Variants in RPS6KB2 observed in about 807,000 individuals in gnomAD.
RPS6KB2 encodes the protein ribosomal protein S6 kinase beta-2.
RPS6KB2 carries 51 observed loss-of-function variants against 58.2 expected under a neutral mutation model. The observed-to-expected ratio is 0.88, with a 90% CI of 0.70 to 1.11. RPS6KB2 has a LOEUF of 1.11. RPS6KB2 is among the 50% of genes least tolerant of loss of function. RPS6KB2 has a pLI of 0.00. For missense variants in RPS6KB2, 671 were observed against 655.8 expected, an observed-to-expected ratio of 1.02 and a Z score of -0.25; for synonymous variants, 293 against 258.6, an observed-to-expected ratio of 1.13 and a Z score of -1.28.
intron 5 of RPS6KB2, 104 bp from the exon 6 acceptor site, chr11:67,432,496 G>T: frequency 1.7e-6 from 2 of 1,211,848 alleles, no homozygotes; most frequent in Non-Finnish European, 2.4e-6. Context: ...GAGGCAGGTA[G>T]GGCGGGAATT....
intron 4 of RPS6KB2, chr11:67,429,810 CTA>C (rs1303187153): frequency 7.6e-6 from 4 of 523,312 alleles, no homozygotes; most frequent in African/African-American, 3.9e-5. Flanking sequence ...TGTCTGGACA[CTA>C]TTTTATTTTA....
At chr11:67,429,405 C>A in intron 3 of RPS6KB2, 122 bp from the exon 4 acceptor site, 2 of 1,359,090 alleles carry the variant, frequency 1.5e-6, no homozygotes, top group Non-Finnish European at 2.0e-6. Flanking sequence ...GACTTGAAAT[C>A]TTCACTGCCC....
rs757368921 is a variant in RPS6KB2, at chr11:67,434,460, C to T, written c.1131C>T (p.Ser377=). ...ACAGTCCTGATGACACAGCCCTCAGCGAGAGTGCCAACCAGGCCTTCCTGG... is the reference window on the plus strand; with the variant it reads ...ACAGTCCTGATGACACAGCCCTCAGTGAGAGTGCCAACCAGGCCTTCCTGG... The part of the protein sequence containing the change: ...PVDSPDDTAL[S]ESANQAFLGF... The change falls in exon 13 of 15, where the codon AGC becomes AGT. Residue 377 remains serine, a synonymous_variant. Coordinates refer to ENST00000312629, the MANE Select transcript of RPS6KB2 (RefSeq NM_003952.3). The T allele has an allele frequency of 3.0e-5, 48 of 1,612,432 alleles. No individual in the cohort carries two copies. The highest frequency in any genetic ancestry group is 1.1e-4 in the African/African-American group (8 of 74,926).
chr11:67,432,866 G>A, intron 7 of RPS6KB2, 29 bp downstream of exon 7: 2 of 1,608,280 alleles, frequency 1.2e-6, no homozygotes, highest in African/African-American at 2.7e-5. Flanking sequence ...GCAGCTGCAG[G>A]CGGGGTCTGC....
chr11:67,430,640 G>T (rs1242820401), intron 4 of RPS6KB2: 2 of 152,064 alleles, frequency 1.3e-5, no homozygotes, highest in African/African-American at 4.8e-5. Flanking sequence ...CACCATGTTG[G>T]TCAGGCTGGT....
rs996329859 is a variant in RPS6KB2 at position 67,434,120 on chromosome 11, G to C, written c.969+63G>C. On this transcript the variant is annotated intron_variant, in intron 11 of 14. Transcript: ENST00000312629. ...TCCAAGGGTGCCGGGAATGGGGGCA[G>C]GGCCCCAGGGCAGAGGGAGTGACCG... 8 of 1,608,862 alleles carry C rather than the reference G, an allele frequency of 5.0e-6. No individual in the cohort carries two copies. In the East Asian group the frequency reaches 1.6e-4, roughly 31 times the overall value.
intron 9 of RPS6KB2, 62 bp downstream of exon 9, chr11:67,433,278 G>A: frequency 1.2e-6 from 2 of 1,604,960 alleles, no homozygotes; most frequent in Non-Finnish European, 1.7e-6. Context: ...CCCCCCTCCT[G>A]GGGCAAGGGC....
Position 67,435,110 on chromosome 11 carries a change from A to G in RPS6KB2, c.1390A>G (p.Ile464Val). 1 of 1,606,698 alleles carries G rather than the reference A, an allele frequency of 6.2e-7. No individual in the cohort carries two copies. The highest frequency in any genetic ancestry group is 8.5e-7 in the Non-Finnish European group (1 of 1,178,688). Residue 464 changes from isoleucine (I) to valine (V), a missense_variant, in exon 15 of 15, where the codon ATC becomes GTC. Physicochemically the swap from Ile to Val is conservative, Grantham distance 29. Transcript: ENST00000312629. ...PPPSTTAPLP[I>V]RPPSGTKKSK... ...GCCCTCGACCACCGCCCCTCTCCCC[A>G]TCCGTCCCCCCTCAGGGACCAAGAA...
intron 14 of RPS6KB2, 90 bp downstream of exon 14, chr11:67,434,784 TC>T (rs1405671780): frequency 7.1e-6 from 8 of 1,131,308 alleles, no homozygotes. Flanking sequence ...GCCACGTCTG[TC>T]GGCCAGTGTT....
Position 67,428,702 on chromosome 11 carries a change from C to T in RPS6KB2, c.78+79C>T, listed in dbSNP as rs1472227925. 5.1e-6 allele frequency: 7 copies of T among 1,374,272 alleles called. No individual in the cohort carries two copies. In the African/African-American group the frequency reaches 5.8e-5, roughly 11 times the overall value. The allele number at this position is 1,374,272 out of a possible 1,614,324, so 85.1% of individuals were successfully genotyped here. ...CCGAGGCCGGAGCGGCGGCTCCGCA[C>T]GCCCAGAGCGGGCTCCGACTCTTTG... On this transcript the variant is annotated intron_variant, in intron 1 of 14. Coordinates refer to ENST00000312629, the MANE Select transcript of RPS6KB2 (RefSeq NM_003952.3).
At chr11:67,433,496 G>A (rs368269730) in intron 10 of RPS6KB2, 49 bp downstream of exon 10, 377 of 1,388,274 alleles carry the variant, frequency 2.7e-4, no homozygotes, top group Non-Finnish European at 3.7e-4. Flanking sequence ...CATTCTGCAC[G>A]TGTTCCTGAG....
At chr11:67,430,733 A>G (rs373513178) in intron 4 of RPS6KB2, 14 of 152,100 alleles carry the variant, frequency 9.2e-5, no homozygotes, top group African/African-American at 2.9e-4. Context: ...TGCGCCTGGC[A>G]TGGACACATT....
In RPS6KB2 at chr11:67,432,996, C is replaced by T; in HGVS notation, c.661C>T (p.His221Tyr). 6.2e-7 allele frequency: 1 copy of T among 1,613,454 alleles called. No homozygotes were observed. The highest frequency in any genetic ancestry group is 8.5e-7 in the Non-Finnish European group (1 of 1,180,032). The change falls in exon 8 of 15, where the codon CAT becomes TAT. Residue 221 changes from histidine (H) to tyrosine (Y), a missense_variant. His to Tyr is a moderately conservative substitution (Grantham distance 83). Transcript: ENST00000312629. Reference protein sequence around the residue: ...TDFGLCKESIHEGAVTHTFCG... With the variant: ...TDFGLCKESIYEGAVTHTFCG... ...CTTTGGACTCTGCAAGGAGTCTATC[C>T]ATGAGGGCGCCGTCACTCACACCTT...
Position 67,432,819 on chromosome 11 carries a change from A to C in RPS6KB2, c.598A>C (p.Ile200Leu). Residue 200 changes from isoleucine (I) to leucine (L), a missense_variant, in exon 7 of 15, where the codon ATC becomes CTC. By Grantham distance (5) the Ile-to-Leu change is conservative. Transcript: ENST00000312629. Reference sequence around the variant, plus strand: ...CTACCGGGACCTCAAGCCCGAGAACATCATGCTCAGCAGCCAGGGTGCGCA... The same window carrying C: ...CTACCGGGACCTCAAGCCCGAGAACCTCATGCTCAGCAGCCAGGGTGCGCA... ...IIYRDLKPEN[I>L]MLSSQGHIKL... is the part of the protein sequence containing the mutation. The C allele has an allele frequency of 6.2e-7, 1 of 1,613,922 alleles. No homozygotes were observed. The highest frequency in any genetic ancestry group is 8.5e-7 in the Non-Finnish European group (1 of 1,179,964).
At position 67,435,213 on chromosome 11, in the gene RPS6KB2, C is replaced by T. The variant is rs373808292; in HGVS notation, c.*44C>T. ...GGGTAGCCCTTGAGCCCTGTCCCTGCGGCTGTGAGAGCAGCAGGACCCTGG... is the reference window on the plus strand; with the variant it reads ...GGGTAGCCCTTGAGCCCTGTCCCTGTGGCTGTGAGAGCAGCAGGACCCTGG... On this transcript the variant is annotated 3_prime_UTR_variant, in exon 15 of 15. Coordinates refer to ENST00000312629, the MANE Select transcript of RPS6KB2 (RefSeq NM_003952.3). 1.6e-4 allele frequency: 232 copies of T among 1,470,194 alleles called. No homozygotes were observed. The African/African-American group carries it at 1.8e-3, about 12-fold the overall frequency. 91.1% of individuals were successfully genotyped at this position (1,470,194 alleles called of 1,614,324 possible). A position where few individuals can be genotyped will look rare whatever the true frequency, so the allele number is the denominator to read the frequency against.
In RPS6KB2 at chr11:67,433,452, A is replaced by G. The variant is rs756967453; in HGVS notation, c.906+5A>G. The G allele has an allele frequency of 6.3e-7, 1 of 1,598,578 alleles. No homozygotes were observed. Among genetic ancestry groups the G allele is most frequent in the Non-Finnish European group, 8.6e-7 (1 of 1,165,854 alleles). On this transcript the variant is annotated splice_donor_5th_base_variant and intron_variant, in intron 10 of 14. Transcript: ENST00000312629. ...GCCCGGGACCTTGTCAAAAAGGTGC[A>G]GCTCCCTTCTCTCTTCTCCGGGGCC...
rs371345807 is a variant in RPS6KB2 at position 67,435,039 on chromosome 11, C to G, written c.1319C>G (p.Pro440Arg). 3.7e-5 allele frequency: 60 copies of G among 1,613,008 alleles called. No homozygotes were observed. The highest frequency in any genetic ancestry group is 3.3e-4 in the Middle Eastern group (2 of 6,084). Residue 440 changes from proline to arginine, a missense_variant, in exon 15 of 15, where the codon CCG (proline) becomes CGG (arginine). Coordinates refer to ENST00000312629, the MANE Select transcript of RPS6KB2 (RefSeq NM_003952.3). Reference protein sequence around the residue: ...FEGFRPSPSLPEPTELPLPPL... With the variant: ...FEGFRPSPSLREPTELPLPPL... Reference sequence around the variant, plus strand: ...GGGTTTCGGCCCAGCCCCAGCCTGCCGGAGCCCACGGAGCTACCTCTACCT... The same window carrying G: ...GGGTTTCGGCCCAGCCCCAGCCTGCGGGAGCCCACGGAGCTACCTCTACCT...
In RPS6KB2 at chr11:67,433,330, C is replaced by T. The variant is rs1471852813; in HGVS notation, c.799-10C>T. The T allele has an allele frequency of 2.5e-6, 4 of 1,612,536 alleles. No homozygotes were observed. The highest frequency in any genetic ancestry group is 1.7e-5 in the Admixed American group (1 of 60,004). On this transcript the variant is annotated splice_polypyrimidine_tract_variant and intron_variant, in intron 9 of 14. Transcript: ENST00000312629. ...CCCACAAGGCTCCTCTCACCTTCCT[C>T]CTCCTCCAGCCGCCCTTCACCGCAG...
intron 5 of RPS6KB2, chr11:67,432,261 G>C (rs1199728666): frequency 1.8e-6 from 1 of 561,044 alleles, no homozygotes; most frequent in East Asian, 4.3e-5. Context: ...TGTCTTCCCT[G>C]TCTTCTCTGC....
Sources: gnomAD v4.1 joint callset for allele counts on GRCh38, gnomAD v4.1.1 for gene constraint, MANE v1.5 for transcripts, NCBI Gene and HGNC (gene_info 2026-07-23, HGNC 2026-07-21) for gene names.